Variants in GPC6 observed in about 807,000 individuals in gnomAD.
GPC6 encodes the protein glypican-6.
Under a neutral mutation model 55.2 loss-of-function variants are expected in GPC6, and 14 were observed. That is an observed-to-expected ratio of 0.25 (90% CI 0.17 to 0.40). GPC6 has a LOEUF of 0.40. Among genes scored for constraint, GPC6 ranks in the 10% least tolerant of loss-of-function variants. The pLI is 1.00. For missense variants in GPC6, 641 were observed against 708.5 expected (o/e 0.90, Z 1.08); for synonymous variants, 278 against 259.6 (o/e 1.07, Z -0.68).
At position 94,048,855 on chromosome 13, in the gene GPC6, C is replaced by T. The variant is rs74111423; in HGVS notation, c.877+20961C>T. Among the ~76,000 whole-genome samples the T allele has an allele frequency of 3.1e-3, 477 of 152,094 alleles. 5 individuals carry two copies. Among genetic ancestry groups the T allele is most frequent in the African/African-American group, 0.01 (423 of 41,528 alleles). ...CTAACATTGCCCTGGAACGGTACAGCTTCTTGTTCAGTGTTTATCTGAACC... is the reference window on the plus strand; with the variant it reads ...CTAACATTGCCCTGGAACGGTACAGTTTCTTGTTCAGTGTTTATCTGAACC... On this transcript the variant is annotated intron_variant, in intron 4 of 8. Coordinates refer to ENST00000377047, the MANE Select transcript of GPC6 (RefSeq NM_005708.5).
chr13:93,896,266 C>T (rs1876005332), intron 3 of GPC6, among the ~76,000 whole-genome samples: 1 of 151,904 alleles, frequency 6.6e-6, no homozygotes, highest in African/African-American at 2.4e-5. Context: ...CACATTTTCC[C>T]CTCAATAGAC....
At chr13:94,145,669 G>A (rs547378418) in intron 4 of GPC6, among the ~76,000 whole-genome samples, 12 of 152,224 alleles carry the variant, frequency 7.9e-5, no homozygotes, top group East Asian at 7.7e-4. Context: ...CTGTTATGAC[G>A]TGTTCCCATA....
chr13:93,559,367 C>T (rs1875639007), intron 2 of GPC6, among the ~76,000 whole-genome samples: 1 of 152,096 alleles, frequency 6.6e-6, no homozygotes, highest in African/African-American at 2.4e-5. Flanking sequence ...AAGTTTTCCC[C>T]CACAGTATTA....
chr13:94,185,098 C>T (rs1234389908), intron 4 of GPC6, among the ~76,000 whole-genome samples: 1 of 151,930 alleles, frequency 6.6e-6, no homozygotes, highest in Middle Eastern at 3.2e-3. Context: ...ATTGAGCACC[C>T]ATGGACATAA....
At chr13:94,075,529 G>A (rs972150610) in intron 4 of GPC6, among the ~76,000 whole-genome samples, 4 of 151,938 alleles carry the variant, frequency 2.6e-5, no homozygotes, top group East Asian at 1.9e-4. Flanking sequence ...AATTATAGGC[G>A]ATATATTGTA....
intron 3 of GPC6, among the ~76,000 whole-genome samples, chr13:93,913,236 T>C (rs1877104015): frequency 6.6e-6 from 1 of 152,214 alleles, no homozygotes; most frequent in South Asian, 2.1e-4. Context: ...ATGTCTGCTG[T>C]ATGTCTCTGC....
At chr13:94,263,681 T>C (rs1225085487) in intron 4 of GPC6, among the ~76,000 whole-genome samples, 2 of 152,246 alleles carry the variant, frequency 1.3e-5, no homozygotes, top group African/African-American at 2.4e-5. Context: ...CAGGTTACTA[T>C]TGAAGAGTTC....
At chr13:94,313,187 C>T (rs1876349183) in intron 6 of GPC6, among the ~76,000 whole-genome samples, 1 of 152,218 alleles carries the variant, frequency 6.6e-6, no homozygotes, top group Non-Finnish European at 1.5e-5. Flanking sequence ...CCGCCTGTCA[C>T]AGGCTTCTTT....
At chr13:93,504,985 C>A (rs1212371026) in intron 1 of GPC6, among the ~76,000 whole-genome samples, 5 of 152,150 alleles carry the variant, frequency 3.3e-5, no homozygotes, top group Non-Finnish European at 7.3e-5. Context: ...GTGAAACAAA[C>A]CATGACAGTT....
At chr13:93,746,901 A>G (rs1884417296) in intron 2 of GPC6, among the ~76,000 whole-genome samples, 1 of 152,226 alleles carries the variant, frequency 6.6e-6, no homozygotes, top group Admixed American at 6.5e-5. Flanking sequence ...AACATCCCTG[A>G]ACCATGGAAA....
chr13:93,874,137 A>G (rs1361200787), intron 3 of GPC6, among the ~76,000 whole-genome samples: 1 of 151,946 alleles, frequency 6.6e-6, no homozygotes, highest in East Asian at 2.0e-4. Flanking sequence ...CTTGTTATAC[A>G]GATTATTTTA....
intron 2 of GPC6, among the ~76,000 whole-genome samples, chr13:93,718,007 T>G (rs1411588910): frequency 1.3e-5 from 2 of 151,960 alleles, no homozygotes; most frequent in African/African-American, 4.8e-5. Flanking sequence ...ATCCAGTCTA[T>G]TACTAATGGA....
intron 4 of GPC6, among the ~76,000 whole-genome samples, chr13:94,156,350 A>G (rs558515678): frequency 1.3e-3 from 198 of 152,288 alleles, no homozygotes; most frequent in Non-Finnish European, 2.2e-3. Context: ...TGAAAGGGGT[A>G]ATGAATATGG....
At chr13:94,149,120 A>AT (rs1239831917) in intron 4 of GPC6, among the ~76,000 whole-genome samples, 2 of 152,204 alleles carry the variant, frequency 1.3e-5, no homozygotes, top group Admixed American at 6.5e-5. Flanking sequence ...GATTTCTCAC[A>AT]TTTTTTATGG....
At chr13:94,031,728 T>C (rs955459206) in intron 4 of GPC6, among the ~76,000 whole-genome samples, 1 of 152,184 alleles carries the variant, frequency 6.6e-6, no homozygotes, top group Non-Finnish European at 1.5e-5. Flanking sequence ...GAGAAACAGT[T>C]TGTGGGCAGA....
chr13:93,441,143 C>T (rs954304556), intron 1 of GPC6, among the ~76,000 whole-genome samples: 8 of 152,102 alleles, frequency 5.3e-5, no homozygotes, highest in Non-Finnish European at 2.9e-5. Context: ...TGAATAGTGC[C>T]ACAACAAACA....
chr13:93,906,033 A>G (rs1291448519), intron 3 of GPC6, among the ~76,000 whole-genome samples: 1 of 152,212 alleles, frequency 6.6e-6, no homozygotes, highest in Non-Finnish European at 1.5e-5. Context: ...GAGGCAACAG[A>G]AACCAAATTT....
intron 5 of GPC6, among the ~76,000 whole-genome samples, chr13:94,292,646 A>G (rs1053351485): frequency 6.3e-4 from 96 of 152,022 alleles, no homozygotes; most frequent in African/African-American, 2.2e-3. Flanking sequence ...TCTTATGTAT[A>G]TGAAGGCCAA....
chr13:93,232,126 G>A (rs1174545350), intron 1 of GPC6, among the ~76,000 whole-genome samples: 1 of 150,794 alleles, frequency 6.6e-6, no homozygotes, highest in Admixed American at 6.6e-5. Context: ...AGTTTCCATG[G>A]AGATATCACA....
Sources: allele counts gnomAD v4.1 joint callset (sites outside exome capture counted in the v4.1 genomes callset), GRCh38; gene constraint gnomAD v4.1.1; transcripts MANE v1.5; gene names NCBI Gene and HGNC (gene_info 2026-07-23, HGNC 2026-07-21).